The following HMCN1 variants were observed in gnomAD, a reference collection of about 807,000 sequenced individuals.
HMCN1 encodes the protein hemicentin 1, also known as hemicentin-1.
HMCN1 carries 321 observed loss-of-function variants against 625.9 expected under a neutral mutation model. The observed-to-expected ratio is 0.51, with a 90% CI of 0.47 to 0.56. The LOEUF is 0.56. HMCN1 is among the 20% of genes least tolerant of loss of function. The pLI is 0.00. For synonymous variants in HMCN1, 2,425 were observed against 2,417.6 expected, an observed-to-expected ratio of 1.00 and a Z score of -0.09; for missense variants, 6,588 against 6,887.3, an observed-to-expected ratio of 0.96 and a Z score of 1.54.
chr1:186,068,868 CAAAA>C (rs397862240), intron 50 of HMCN1, among the ~76,000 whole-genome samples: 2 of 76,770 alleles, frequency 2.6e-5, no homozygotes, highest in African/African-American at 5.5e-5. Context: ...GACTCGGTCT[CAAAA>C]AAAAAAAAAA....
chr1:185,911,987 C>T (rs1210348019), intron 6 of HMCN1, among the ~76,000 whole-genome samples: 1 of 152,082 alleles, frequency 6.6e-6, no homozygotes, highest in Admixed American at 6.5e-5. Context: ...TCATCATTGC[C>T]ACACGATACA....
chr1:185,748,036 T>A (rs1180835370), intron 1 of HMCN1, among the ~76,000 whole-genome samples: 1 of 40,138 alleles, frequency 2.5e-5, no homozygotes, highest in Non-Finnish European at 4.6e-5. Flanking sequence ...TACTTAAAAT[T>A]TTTTTTTTTT....
In HMCN1 at chr1:186,119,284, C is replaced by T; in HGVS notation, c.11942C>T (p.Thr3981Ile). Reference sequence around the variant, plus strand: ...GCTGGCTCTGCACATCGACACGTGACCCTTCATGTTCATGGTATGGAAGGC... The same window carrying T: ...GCTGGCTCTGCACATCGACACGTGATCCTTCATGTTCATGGTATGGAAGGC... ...NAAGSAHRHV[T>I]LHVHEPPVIQ... is the part of the protein sequence containing the mutation. Residue 3981 changes from threonine (T) to isoleucine (I), a missense_variant, in exon 78 of 107, where the codon ACC becomes ATC. This residue lies in a region of HMCN1 where 4,628 missense variants were observed against 4,853.1 expected (regional missense o/e 0.95). Transcript: ENST00000271588. 6.2e-7 allele frequency: 1 copy of T among 1,612,918 alleles called. No individual in the cohort carries two copies. Among genetic ancestry groups the T allele is most frequent in the Non-Finnish European group, 8.5e-7 (1 of 1,178,962 alleles).
chr1:185,779,391 T>C (rs1236424025), intron 1 of HMCN1, among the ~76,000 whole-genome samples: 1 of 152,234 alleles, frequency 6.6e-6, no homozygotes, highest in East Asian at 1.9e-4. Context: ...TTGCCATTGC[T>C]TTTGGGGTTT....
chr1:186,161,520 G>T (rs1466560915), intron 97 of HMCN1, among the ~76,000 whole-genome samples: 2 of 151,822 alleles, frequency 1.3e-5, no homozygotes, highest in Non-Finnish European at 2.9e-5. Context: ...TAGTCTTGAT[G>T]GTCTTTACAT....
At chr1:185,955,174 T>C (rs571560329) in intron 11 of HMCN1, among the ~76,000 whole-genome samples, 14 of 152,276 alleles carry the variant, frequency 9.2e-5, no homozygotes, top group Admixed American at 3.3e-4. Flanking sequence ...GGGGACTTTC[T>C]TCCCCCATTC....
chr1:186,108,966 T>G (rs1660752342), intron 71 of HMCN1, among the ~76,000 whole-genome samples: 1 of 152,216 alleles, frequency 6.6e-6, no homozygotes, highest in South Asian at 2.1e-4. Context: ...CTAGGGAGAA[T>G]GCTTCTTTTA....
chr1:185,991,736 G>T (rs1652442666), intron 22 of HMCN1, among the ~76,000 whole-genome samples: 1 of 149,938 alleles, frequency 6.7e-6, no homozygotes, highest in Admixed American at 6.7e-5. Context: ...AGGCTTTTCA[G>T]TGAATAGCTT....
intron 1 of HMCN1, among the ~76,000 whole-genome samples, chr1:185,737,115 C>T (rs1653633854): frequency 6.6e-6 from 1 of 151,388 alleles, no homozygotes; most frequent in African/African-American, 2.4e-5. Context: ...TGTGTATAAT[C>T]ATTAAGAGTT....
chr1:185,778,243 A>G (rs773942925), intron 1 of HMCN1, among the ~76,000 whole-genome samples: 20 of 152,094 alleles, frequency 1.3e-4, no homozygotes, highest in Non-Finnish European at 2.8e-4. Context: ...TGGACATGAC[A>G]TATAGTTCAC....
At chr1:186,000,294 T>A (rs918358542) in intron 26 of HMCN1, 55 bp downstream of exon 26, 1 of 1,298,434 alleles carries the variant, frequency 7.7e-7, no homozygotes, top group Non-Finnish European at 1.1e-6. Flanking sequence ...AGTTCTTAAA[T>A]GTTTAAATTA....
chr1:185,820,036 A>G (rs1202942320), intron 1 of HMCN1, among the ~76,000 whole-genome samples: 2 of 152,200 alleles, frequency 1.3e-5, no homozygotes, highest in Non-Finnish European at 2.9e-5. Flanking sequence ...GAAGTATGAT[A>G]AGGGGGCAAA....
At chr1:186,047,704 C>T (rs568354127) in intron 41 of HMCN1, among the ~76,000 whole-genome samples, 7 of 152,184 alleles carry the variant, frequency 4.6e-5, no homozygotes, top group South Asian at 2.1e-4. Context: ...GAGCCTGCCA[C>T]GAATTTGTGA....
rs768122538 is a variant in HMCN1, at chr1:186,001,639, C to T, written c.4246C>T (p.Leu1416=). The stretch of plus-strand genomic sequence containing the variant: ...TCAGACTGTGAACAATGGGAAGATA[C>T]TGAAGCTCTTCAGAGCCACTCCAGA... ...TIQTVNNGKI[L]KLFRATPEDA... Residue 1416 remains leucine (L), a synonymous_variant, in exon 28 of 107, where the codon CTG becomes TTG. Transcript: ENST00000271588. The T allele has an allele frequency of 2.5e-6, 4 of 1,612,968 alleles. No homozygotes were observed. In the East Asian group the frequency reaches 6.7e-5, roughly 27 times the overall value.
chr1:186,050,383 A>G (rs1656870785), intron 42 of HMCN1, among the ~76,000 whole-genome samples: 1 of 151,990 alleles, frequency 6.6e-6, no homozygotes, highest in Non-Finnish European at 1.5e-5. Context: ...GAATGTATAC[A>G]GAAGAGTACG....
intron 35 of HMCN1, 146 bp from the exon 36 acceptor site, chr1:186,022,884 C>A: frequency 1.3e-6 from 1 of 783,208 alleles, no homozygotes; most frequent in South Asian, 1.5e-5. Context: ...TGTGAACTCG[C>A]TCTAGTCTAT....
intron 15 of HMCN1, among the ~76,000 whole-genome samples, chr1:185,971,779 C>G (rs1280996965): frequency 6.6e-6 from 1 of 152,066 alleles, no homozygotes; most frequent in Non-Finnish European, 1.5e-5. Flanking sequence ...CCTGAACTGT[C>G]TGGTGAACAC....
intron 89 of HMCN1, 119 bp downstream of exon 89, chr1:186,138,091 G>GA (rs1649732520): frequency 5.6e-6 from 6 of 1,071,810 alleles, no homozygotes; most frequent in Non-Finnish European, 7.0e-6. Context: ...CTACCCTTGA[G>GA]AATATGTTCA....
chr1:185,758,227 G>A (rs1655258819), intron 1 of HMCN1, among the ~76,000 whole-genome samples: 1 of 152,078 alleles, frequency 6.6e-6, no homozygotes, highest in Non-Finnish European at 1.5e-5. Flanking sequence ...ATTCACTTAT[G>A]CACTCAAGAA....
Sources: allele counts gnomAD v4.1 joint callset (sites outside exome capture counted in the v4.1 genomes callset), GRCh38; gene constraint gnomAD v4.1.1; regional missense constraint gnomAD v4.1.1; transcripts MANE v1.5; gene names NCBI Gene and HGNC (gene_info 2026-07-23, HGNC 2026-07-21).